The following RGS7 variants were observed in gnomAD, a reference collection of about 807,000 sequenced individuals.
RGS7 encodes the protein regulator of G-protein signaling 7.
In RGS7, 27 loss-of-function variants were observed where a neutral mutation model predicts 81.1. That is an observed-to-expected ratio of 0.33 (90% CI 0.25 to 0.46). The LOEUF (loss-of-function observed/expected upper bound fraction) is 0.46. Among genes scored for constraint, RGS7 ranks in the 20% least tolerant of loss-of-function variants. The probability of loss-of-function intolerance (pLI) is 1.00; values close to 1 mark genes in which losing one functional copy is unlikely to be tolerated. For missense variants in RGS7, 396 were observed against 607.4 expected (o/e 0.65, Z 3.66); for synonymous variants, 208 against 207.7 (o/e 1.00, Z -0.01).
intron 2 of RGS7, among the ~76,000 whole-genome samples, chr1:241,190,022 G>A (rs2072496369): frequency 6.6e-6 from 1 of 152,066 alleles, no homozygotes; most frequent in Non-Finnish European, 1.5e-5. Flanking sequence ...AGAATGGCGT[G>A]AACCTGGGAG....
intron 2 of RGS7, among the ~76,000 whole-genome samples, chr1:241,188,267 A>G (rs2072300847): frequency 6.9e-6 from 1 of 143,906 alleles, no homozygotes; most frequent in Non-Finnish European, 1.5e-5. Context: ...CTTCTATTAT[A>G]GTCCTTTTCT....
At chr1:241,175,806 G>C (rs1330834142) in intron 2 of RGS7, among the ~76,000 whole-genome samples, 1 of 152,186 alleles carries the variant, frequency 6.6e-6, no homozygotes, top group Admixed American at 6.5e-5. Flanking sequence ...AAAAACCATT[G>C]CAGGAAAAAG....
intron 2 of RGS7, among the ~76,000 whole-genome samples, chr1:241,290,429 A>G (rs1466132451): frequency 6.6e-6 from 1 of 152,254 alleles, no homozygotes; most frequent in East Asian, 1.9e-4. Flanking sequence ...GCATGGTTAT[A>G]TGTGATCCGT....
At chr1:241,334,787 T>A (rs933126158) in intron 2 of RGS7, among the ~76,000 whole-genome samples, 4 of 152,138 alleles carry the variant, frequency 2.6e-5, no homozygotes, top group African/African-American at 9.7e-5. Context: ...AAAGAGCATC[T>A]CTTGGCAAAA....
At chr1:241,001,973 C>T (rs785538) in intron 3 of RGS7, among the ~76,000 whole-genome samples, 58,188 of 151,808 alleles carry the variant, frequency 0.38, 11,512 homozygotes, top group East Asian at 0.57. Context: ...ATAATGATGG[C>T]CCCTGTGCGA....
rs990942345 is a variant in RGS7 at position 241,164,679 on chromosome 1, A to C, written c.79-65917T>G. On this transcript the variant is annotated intron_variant, in intron 2 of 18. Transcript: ENST00000440928. This position sits in a 1 kb window ranked among gnomAD's most constrained non-coding sequence, Gnocchi z 4.1. ...TAGAGAAGTCAGATATCTGAACATT[A>C]ATGTGAAATTTTCCATGTTTAAAAA... 4.2e-4 allele frequency among the ~76,000 whole-genome samples: 64 copies of C among 152,152 alleles called. 1 individual carries two copies. The highest frequency in any genetic ancestry group is 1.4e-3 in the African/African-American group (58 of 41,424).
intron 3 of RGS7, among the ~76,000 whole-genome samples, chr1:241,081,365 AC>A (rs201436711): frequency 0.012 from 1,858 of 152,290 alleles, 27 homozygotes; most frequent in African/African-American, 0.042. Context: ...AAAACTCAAC[AC>A]CAGCTGGGAT....
chr1:241,039,683 C>A (rs2060505331), intron 3 of RGS7, among the ~76,000 whole-genome samples: 1 of 152,040 alleles, frequency 6.6e-6, no homozygotes, highest in Non-Finnish European at 1.5e-5. Context: ...AAATGGGCTG[C>A]TTTCTAGGCC....
chr1:241,254,778 T>C (rs2076987424), intron 2 of RGS7, among the ~76,000 whole-genome samples: 1 of 152,204 alleles, frequency 6.6e-6, no homozygotes, highest in South Asian at 2.1e-4. Flanking sequence ...AAATCTATAA[T>C]GATATAGTAA....
intron 9 of RGS7, among the ~76,000 whole-genome samples, chr1:240,860,286 TTAC>T (rs1472129444): frequency 2.0e-5 from 3 of 152,178 alleles, no homozygotes; most frequent in Admixed American, 6.5e-5. Flanking sequence ...GAACTGTAAA[TTAC>T]TGATAGAGGG....
At chr1:240,988,339 C>A (rs765340101) in intron 3 of RGS7, among the ~76,000 whole-genome samples, 2 of 151,712 alleles carry the variant, frequency 1.3e-5, no homozygotes, top group Non-Finnish European at 2.9e-5. Flanking sequence ...GGCAGAATTT[C>A]TTTAAATTAA....
chr1:241,207,008 G>C (rs1256069676), intron 2 of RGS7, among the ~76,000 whole-genome samples: 1 of 106,238 alleles, frequency 9.4e-6, no homozygotes, highest in East Asian at 3.3e-4. Context: ...TCGCTCTGTT[G>C]CCCAGGCTGG....
intron 2 of RGS7, among the ~76,000 whole-genome samples, chr1:241,141,903 A>C (rs2067946743): frequency 6.6e-6 from 1 of 152,224 alleles, no homozygotes; most frequent in African/African-American, 2.4e-5. Context: ...TGAGCCTGTA[A>C]AATCAAAAGC....
At chr1:240,955,275 G>A (rs760422429) in intron 4 of RGS7, among the ~76,000 whole-genome samples, 6 of 152,216 alleles carry the variant, frequency 3.9e-5, no homozygotes, top group East Asian at 1.9e-4. Context: ...CAGAATAACC[G>A]ACATAATAAT....
At chr1:241,339,713 A>G (rs1404319071) in intron 2 of RGS7, among the ~76,000 whole-genome samples, 2 of 152,234 alleles carry the variant, frequency 1.3e-5, no homozygotes, top group East Asian at 3.8e-4. Context: ...GAAAAACAAA[A>G]GAAAAACAAG....
rs1055494420 is a variant in RGS7 at position 240,930,777 on chromosome 1, T to C, written c.334-9A>G. 6.2e-7 allele frequency: 1 copy of C among 1,613,726 alleles called. No homozygotes were observed. The highest frequency in any genetic ancestry group is 2.2e-5 in the East Asian group (1 of 44,860). ...GGCCAAAAATAGGGGGTCTGCGGAA[T>C]GAAAAGAAGTGGAACCCAGATTAGA... is the stretch of plus-strand genomic sequence containing the variant. On this transcript the variant is annotated splice_polypyrimidine_tract_variant and intron_variant, in intron 5 of 18. Coordinates refer to ENST00000440928, the MANE Select transcript of RGS7 (RefSeq NM_001364886.1).
chr1:241,266,570 T>C (rs2077605205), intron 2 of RGS7, among the ~76,000 whole-genome samples: 1 of 152,230 alleles, frequency 6.6e-6, no homozygotes, highest in African/African-American at 2.4e-5. Flanking sequence ...TAGAACACAT[T>C]CACTGCTTGA....
At chr1:241,250,270 GAC>G (rs2076764671) in intron 2 of RGS7, among the ~76,000 whole-genome samples, 1 of 151,948 alleles carries the variant, frequency 6.6e-6, no homozygotes, top group Admixed American at 6.6e-5. Context: ...TAAAAGGAAA[GAC>G]AGAGAATTTT....
intron 2 of RGS7, among the ~76,000 whole-genome samples, chr1:241,196,377 A>G (rs1232931104): frequency 3.3e-5 from 5 of 150,908 alleles, no homozygotes; most frequent in African/African-American, 1.2e-4. Flanking sequence ...TTTGTACTAA[A>G]AAATGTGTAA....
Sources: gnomAD v4.1 joint callset for allele counts (sites outside exome capture counted in the v4.1 genomes callset) on GRCh38, gnomAD v4.1.1 for gene constraint, Gnocchi (gnomAD v3.1) non-coding constraint, MANE v1.5 for transcripts, NCBI Gene and HGNC (gene_info 2026-07-23, HGNC 2026-07-21) for gene names.